TBC1D31: variants seen among roughly 807,000 people sequenced by gnomAD.
TBC1D31 encodes the protein TBC1 domain family member 31, also known as WD repeat domain 67.
In TBC1D31, 99 loss-of-function variants were observed where a neutral mutation model predicts 132.9. The ratio of observed to expected loss-of-function variants is 0.74; its 90% CI spans 0.63 to 0.88. The LOEUF is 0.88. TBC1D31 is among the 40% of genes least tolerant of loss of function. TBC1D31 has a pLI of 0.00. For missense variants in TBC1D31, 1,134 were observed against 1,256.6 expected (o/e 0.90, Z 1.48); for synonymous variants, 385 against 419.4 (o/e 0.92, Z 1.00).
At chr8:123,087,031 G>A (rs1815835950) in intron 4 of TBC1D31, among the ~76,000 whole-genome samples, 1 of 152,152 alleles carries the variant, frequency 6.6e-6, no homozygotes, top group South Asian at 2.1e-4. Context: ...CACCTGTTCT[G>A]TGCCAGGCTT....
chr8:123,152,419 C>T (rs773443695), downstream of TBC1D31, among the ~76,000 whole-genome samples: 2 of 152,192 alleles, frequency 1.3e-5, no homozygotes, highest in Non-Finnish European at 2.9e-5. Context: ...AACATCTCAT[C>T]TCTGCCCAGC....
chr8:123,158,751 G>A, the TBC1D31 span, among the ~76,000 whole-genome samples: 1 of 152,140 alleles, frequency 6.6e-6, no homozygotes, highest in Non-Finnish European at 1.5e-5. Context: ...GAGGATAGGC[G>A]AAGAGGAATC....
chr8:123,072,959 C>CCTGG, intron 1 of TBC1D31, 113 bp downstream of exon 1: 1 of 1,093,860 alleles, frequency 9.1e-7, no homozygotes. Context: ...GCCCCGCATC[C>CCTGG]CTGGGTTGGA....
rs560605102 is a variant in TBC1D31, at chr8:123,128,339, A to G, written c.1943A>G (p.His648Arg). 19 of 1,613,740 alleles carry G rather than the reference A, an allele frequency of 1.2e-5. No homozygotes were observed. In the African/African-American group the frequency reaches 2.3e-4, roughly 19 times the overall value. ...DINVVIRQVY[H>R]LMETTPTDIH... ...AATGTTGTGATTAGACAAGTTTATC[A>G]TCTCATGGAGACCACGCCTACTGAC... is the stretch of plus-strand genomic sequence containing the variant. Residue 648 changes from histidine (H) to arginine (R), a missense_variant, in exon 14 of 22, where the codon CAT (histidine) becomes CGT (arginine). Transcript: ENST00000287380.
chr8:123,142,432 A>G lies in TBC1D31; in HGVS notation c.2811A>G (p.Ala937=). Reference sequence around the variant, plus strand: ...GGAAAGAAATAGAGATAATAAATGCAATGGTGGAGGAGGAAGCCAAGAAGG... The same window carrying G: ...GGAAAGAAATAGAGATAATAAATGCGATGGTGGAGGAGGAAGCCAAGAAGG... ...NRRKEIEIIN[A]MVEEEAKKWK... The change falls in exon 19 of 22, where the codon GCA becomes GCG. Residue 937 remains alanine (A), a synonymous_variant. Transcript: ENST00000287380. The G allele has an allele frequency of 6.3e-7, 1 of 1,594,352 alleles. No individual in the cohort carries two copies. Among genetic ancestry groups the G allele is most frequent in the Non-Finnish European group, 8.5e-7 (1 of 1,172,442 alleles).
At chr8:123,138,420 A>G (rs1326515840) in intron 17 of TBC1D31, among the ~76,000 whole-genome samples, 1 of 152,196 alleles carries the variant, frequency 6.6e-6, no homozygotes, top group African/African-American at 2.4e-5. Context: ...ATAGATGATT[A>G]GAAAAGTAGA....
At chr8:123,131,202 A>G (rs2130821786) in intron 16 of TBC1D31, among the ~76,000 whole-genome samples, 1 of 151,712 alleles carries the variant, frequency 6.6e-6, no homozygotes, top group Admixed American at 6.6e-5. Flanking sequence ...TGTCTCTACT[A>G]AAAATACAAG....
intron 17 of TBC1D31, among the ~76,000 whole-genome samples, chr8:123,135,441 A>G (rs1452294604): frequency 6.6e-6 from 1 of 152,198 alleles, no homozygotes; most frequent in Non-Finnish European, 1.5e-5. Context: ...CTCTACTAGA[A>G]ATACAAAGAA....
At chr8:123,164,231 A>T in the TBC1D31 span, among the ~76,000 whole-genome samples, 7 of 152,232 alleles carry the variant, frequency 4.6e-5, no homozygotes, top group African/African-American at 1.7e-4. Flanking sequence ...TTCTTCTGAA[A>T]GAGTCACAAC....
chr8:123,141,123 G>A (rs1446203946), intron 18 of TBC1D31, among the ~76,000 whole-genome samples: 1 of 152,114 alleles, frequency 6.6e-6, no homozygotes, highest in Non-Finnish European at 1.5e-5. Context: ...ACAGTTTGAG[G>A]AAATACAAAG....
intron 11 of TBC1D31, among the ~76,000 whole-genome samples, chr8:123,124,773 CAAAA>C (rs71310659): frequency 3.0e-4 from 39 of 131,562 alleles, no homozygotes; most frequent in Admixed American, 2.7e-3. Flanking sequence ...ACTGAAAATA[CAAAA>C]AAAAAAAAAA....
chr8:123,164,555 C>T, the TBC1D31 span, among the ~76,000 whole-genome samples: 1 of 152,100 alleles, frequency 6.6e-6, no homozygotes, highest in Non-Finnish European at 1.5e-5. Flanking sequence ...AACCCCACCT[C>T]TACTAAAAAT....
intron 16 of TBC1D31, among the ~76,000 whole-genome samples, chr8:123,132,403 CTTTTTTTTTTTT>C (rs34901750): frequency 9.0e-5 from 5 of 55,442 alleles, no homozygotes; most frequent in South Asian, 6.7e-4. Context: ...TTTTTTAAGT[CTTTTTTTTTTTT>C]TTTTTTTTTT....
At chr8:123,074,302 A>G (rs1309956933) in intron 1 of TBC1D31, among the ~76,000 whole-genome samples, 3 of 148,388 alleles carry the variant, frequency 2.0e-5, no homozygotes, top group Admixed American at 1.3e-4. Flanking sequence ...TTACAGGCGT[A>G]AGCCACCGCG....
At position 123,093,709 on chromosome 8, in the gene TBC1D31, C is replaced by A; in HGVS notation, c.638C>A (p.Ser213Tyr). The change falls in exon 5 of 22, where the codon TCT (serine) becomes TAT (tyrosine). Residue 213 changes from serine to tyrosine, a missense_variant. Transcript: ENST00000287380. ...CAATTGCCAGCTCCACCTGAAAGCT[C>A]TAGTATATTATACAAAGTGTTTGCT... ...KYQLPAPPES[S>Y]SILYKVFAVT... The A allele has an allele frequency of 6.2e-7, 1 of 1,609,374 alleles. No individual in the cohort carries two copies. The highest frequency in any genetic ancestry group is 1.1e-5 in the South Asian group (1 of 90,516).
At chr8:123,128,542 G>T in intron 14 of TBC1D31, 29 bp downstream of exon 14, 1 of 1,460,452 alleles carries the variant, frequency 6.8e-7, no homozygotes. Flanking sequence ...TTCTTTTTCT[G>T]ATACAATGAA....
At chr8:123,095,257 T>C (rs1240193347) in intron 5 of TBC1D31, among the ~76,000 whole-genome samples, 2 of 152,244 alleles carry the variant, frequency 1.3e-5, no homozygotes, top group Non-Finnish European at 2.9e-5. Context: ...TTTTCTTTTG[T>C]GACGTCAGTA....
chr8:123,139,460 G>A (rs1821419651), intron 17 of TBC1D31, among the ~76,000 whole-genome samples: 1 of 152,128 alleles, frequency 6.6e-6, no homozygotes, highest in Non-Finnish European at 1.5e-5. Flanking sequence ...AGGTAGTTTG[G>A]GGGTCAGCAA....
chr8:123,149,387 C>T (rs931500094), intron 20 of TBC1D31, among the ~76,000 whole-genome samples: 1 of 152,098 alleles, frequency 6.6e-6, no homozygotes. Flanking sequence ...ATTCTGGGCT[C>T]GACACATGGA....
Sources: allele counts gnomAD v4.1 joint callset (sites outside exome capture counted in the v4.1 genomes callset), GRCh38; gene constraint gnomAD v4.1.1; transcripts MANE v1.5; gene names NCBI Gene and HGNC (gene_info 2026-07-23, HGNC 2026-07-21).